Variants in AGRN observed in about 807,000 individuals in gnomAD.
AGRN encodes the protein agrin proteoglycan.
Under a neutral mutation model 211.0 loss-of-function variants are expected in AGRN, and 106 were observed. The ratio of observed to expected loss-of-function variants is 0.50; its 90% CI spans 0.43 to 0.59. The LOEUF is 0.59. Among genes scored for constraint, AGRN ranks in the 20% least tolerant of loss-of-function variants. The pLI is 0.00. For synonymous variants in AGRN, 1,525 were observed against 1,332.5 expected (o/e 1.14, Z -3.15); for missense variants, 3,040 against 2,982.6 (o/e 1.02, Z -0.45).
intron 34 of AGRN, 81 bp from the exon 35 acceptor site, chr1:1,054,367 A>G: frequency 7.8e-7 from 1 of 1,284,608 alleles, no homozygotes; most frequent in Non-Finnish European, 1.1e-6. Context: ...TGCAGGGCAT[A>G]GGAAGGATGC....
chr1:1,046,120 G>A (rs1305263528), intron 16 of AGRN, 32 bp downstream of exon 16: 1 of 1,613,994 alleles, frequency 6.2e-7, no homozygotes. Context: ...GGGGAGTGGG[G>A]AGGAGGCCTC....
At chr1:1,035,991 A>G (rs552734544) in intron 3 of AGRN, among the ~76,000 whole-genome samples, 38 of 152,222 alleles carry the variant, frequency 2.5e-4, no homozygotes, top group African/African-American at 8.2e-4. Context: ...TCAGCTTTGC[A>G]GAGGAACACA....
Position 1,043,630 on chromosome 1 carries a change from G to A in AGRN, c.1696G>A (p.Val566Met), listed in dbSNP as rs754169694. The change falls in exon 9 of 36, where the codon GTG (valine) becomes ATG (methionine). Residue 566 changes from valine to methionine, a missense_variant. By Grantham distance (21) the Val-to-Met change is conservative (BLOSUM62 1). Around this residue, in one of 3 missense-constraint regions of AGRN, gnomAD observed 1,498 missense variants for 1,457.8 expected, o/e 1.03. Transcript: ENST00000379370. Reference protein sequence around the residue: ...PSECVALAQPVCGSDGHTYPS... With the variant: ...PSECVALAQPMCGSDGHTYPS... ...TGAATGCGTGGCTTTGGCCCAGCCC[G>A]TGTGTGGCTCCGACGGGCACACGTA... The A allele has an allele frequency of 2.2e-5, 36 of 1,603,546 alleles. No individual in the cohort carries two copies. The highest frequency in any genetic ancestry group is 8.9e-5 in the East Asian group (4 of 44,874).
chr1:1,047,959 AC>A, intron 22 of AGRN, 52 bp from the exon 23 acceptor site: 1 of 1,574,122 alleles, frequency 6.4e-7, no homozygotes, highest in South Asian at 1.2e-5. Flanking sequence ...CCTGCCCCTC[AC>A]CCCTTCCTGG....
At chr1:1,033,929 G>C (rs1644736202) in intron 2 of AGRN, among the ~76,000 whole-genome samples, 1 of 151,586 alleles carries the variant, frequency 6.6e-6, no homozygotes, top group Non-Finnish European at 1.5e-5. Flanking sequence ...CGGACGCCGG[G>C]GTCCCTGGAG....
intron 2 of AGRN, 28 bp downstream of exon 2, chr1:1,022,490 C>G: frequency 6.3e-7 from 1 of 1,590,912 alleles, no homozygotes; most frequent in Non-Finnish European, 8.6e-7. Flanking sequence ...CGTGTGGGGG[C>G]CTGTGGGGGT....
intron 19 of AGRN, 123 bp downstream of exon 19, chr1:1,047,080 CAT>C: frequency 6.7e-7 from 1 of 1,482,348 alleles, no homozygotes; most frequent in Non-Finnish European, 9.1e-7. Flanking sequence ...CCCCCTCAAA[CAT>C]GTGCGTGCCG....
chr1:1,034,871 C>T (rs1210790230), intron 2 of AGRN: 4 of 365,028 alleles, frequency 1.1e-5, no homozygotes, highest in Non-Finnish European at 1.8e-5. Flanking sequence ...CTTGGGCTCT[C>T]AGTGGGCCTG....
chr1:1,020,538 C>CG (rs1491321724), intron 1 of AGRN, among the ~76,000 whole-genome samples, 165 bp downstream of exon 1: 3 of 152,022 alleles, frequency 2.0e-5, no homozygotes, highest in Non-Finnish European at 2.9e-5. Flanking sequence ...CCGGGAAACT[C>CG]GCGGGCGCCG....
chr1:1,035,045 G>C, intron 2 of AGRN: 2 of 609,788 alleles, frequency 3.3e-6, no homozygotes, highest in East Asian at 5.5e-5. Flanking sequence ...CCATCTGACA[G>C]GGGTCAGGCC....
chr1:1,050,263 T>G lies in AGRN; in HGVS notation c.4910T>G (p.Leu1637Arg). 6.2e-7 allele frequency: 1 copy of G among 1,613,066 alleles called. No homozygotes were observed. Among genetic ancestry groups the G allele is most frequent in the Non-Finnish European group, 8.5e-7 (1 of 1,179,886 alleles). Residue 1637 changes from leucine to arginine, a missense_variant, in exon 28 of 36, where the codon CTG becomes CGG. This residue lies in a region of AGRN where 1,537 missense variants were observed against 1,505.0 expected (regional missense o/e 1.02). Transcript: ENST00000379370. ...ASGQDGSGPF[L>R]ADFNGFSHLE... ...GGGCAGGACGGCTCTGGGCCCTTCC[T>G]GGCTGACTTCAACGGCTTCTCCCAC...
intron 4 of AGRN, 89 bp downstream of exon 4, chr1:1,040,969 G>T: frequency 2.5e-6 from 1 of 404,896 alleles, no homozygotes. Context: ...GGCCAGTGGG[G>T]CGGGGGCAGG....
intron 2 of AGRN, among the ~76,000 whole-genome samples, chr1:1,024,421 G>A (rs1391876359): frequency 6.6e-6 from 1 of 152,062 alleles, no homozygotes; most frequent in Non-Finnish European, 1.5e-5. Context: ...GGGGATGGAT[G>A]GAGGGAGCTT....
rs765756250 is a variant in AGRN, at chr1:1,045,286, C to T, written c.2371+9C>T. On this transcript the variant is annotated intron_variant, in intron 13 of 35. Transcript: ENST00000379370. ...CCTGGCTGGCTGCCCCAGTGAGTAC[C>T]TGAGCTCAGCCCCGACCCCGGGCCT... 1 of 1,611,908 alleles carries T rather than the reference C, an allele frequency of 6.2e-7. No homozygotes were observed. The highest frequency in any genetic ancestry group is 8.5e-7 in the Non-Finnish European group (1 of 1,179,610).
Position 1,043,569 on chromosome 1 carries a change from G to T in AGRN, c.1635G>T (p.Leu545=). The change falls in exon 9 of 36, where the codon CTG becomes CTT. Residue 545 remains leucine, a synonymous_variant. Coordinates refer to ENST00000379370, the MANE Select transcript of AGRN (RefSeq NM_198576.4). ...GCGGGCAGTGCCGCTTTGGAGCCCT[G>T]TGCGAGGCCGAGACCGGGCGCTGCG... ...DRCGQCRFGA[L]CEAETGRCVC... 1 of 1,605,158 alleles carries T rather than the reference G, an allele frequency of 6.2e-7. No homozygotes were observed.
At chr1:1,042,208 G>A (rs369232341) in intron 7 of AGRN, 46 bp downstream of exon 7, 85 of 1,552,276 alleles carry the variant, frequency 5.5e-5, no homozygotes, top group Non-Finnish European at 6.3e-5. Context: ...CTGCTCCTGC[G>A]TCAGTCCCTG....
In AGRN at chr1:1,047,795, C is replaced by A. The variant is rs777055497; in HGVS notation, c.3651C>A (p.Pro1217=). ...HFDPTTAFRA[P]DVARALLRQI... is the part of the protein sequence containing the mutation. ...CCCCAGCCACAGCCTTCAGGGCACC[C>A]GACGTGGCCCGGGCCCTGCTCCGGC... The change falls in exon 22 of 36, where the codon CCC becomes CCA. Residue 1217 remains proline, a synonymous_variant. Transcript: ENST00000379370. The A allele has an allele frequency of 1.9e-6, 3 of 1,604,218 alleles. No homozygotes were observed. The highest frequency in any genetic ancestry group is 1.3e-5 in the African/African-American group (1 of 74,716).
intron 25 of AGRN, 49 bp downstream of exon 25, chr1:1,049,500 C>T (rs1645209980): frequency 1.9e-6 from 3 of 1,598,000 alleles, no homozygotes; most frequent in Admixed American, 1.7e-5. Context: ...CCTTTGGGGT[C>T]CCGGTGTACG....
At chr1:1,043,513 C>T (rs1352234968) in intron 8 of AGRN, 25 bp from the exon 9 acceptor site, 1 of 1,602,370 alleles carries the variant, frequency 6.2e-7, no homozygotes, top group Non-Finnish European at 8.5e-7. Flanking sequence ...TTCCTGGTCG[C>T]CTGGTGATGG....
Sources: gnomAD v4.1 joint callset for allele counts (sites outside exome capture counted in the v4.1 genomes callset) on GRCh38, gnomAD v4.1.1 for gene constraint, gnomAD v4.1.1 regional missense constraint, MANE v1.5 for transcripts, NCBI Gene and HGNC (gene_info 2026-07-23, HGNC 2026-07-21) for gene names.